The following ZNF14 variants were observed in gnomAD, a reference collection of about 807,000 sequenced individuals.
The protein encoded by ZNF14 is gonadotropin inducible transcription repressor-4.
ZNF14 carries 9 observed loss-of-function variants against 11.3 expected under a neutral mutation model. The observed-to-expected ratio is 0.80, with a 90% CI of 0.48 to 1.39. The LOEUF is 1.39. ZNF14 is among the 40% of genes most tolerant of loss of function. The pLI, the probability that ZNF14 is intolerant of heterozygous loss-of-function variation, is 0.00. For synonymous variants in ZNF14, 239 were observed against 245.7 expected, an observed-to-expected ratio of 0.97 and a Z score of 0.25; for missense variants, 711 against 763.9, an observed-to-expected ratio of 0.93 and a Z score of 0.82.
intron 1 of ZNF14, among the ~76,000 whole-genome samples, chr19:19,717,712 TTATCA>T (rs1242540356): frequency 6.6e-6 from 1 of 152,208 alleles, no homozygotes; most frequent in Non-Finnish European, 1.5e-5. Flanking sequence ...AGTATCTTTC[TTATCA>T]TATCACAAAA....
At chr19:19,722,335 C>G (rs956748108) in intron 1 of ZNF14, among the ~76,000 whole-genome samples, 1 of 152,264 alleles carries the variant, frequency 6.6e-6, no homozygotes, top group African/African-American at 2.4e-5. Context: ...ACAGGGAATC[C>G]TTTCCCCATT....
intron 1 of ZNF14, among the ~76,000 whole-genome samples, chr19:19,719,935 A>C (rs1342372525): frequency 6.6e-6 from 1 of 152,244 alleles, no homozygotes; most frequent in Non-Finnish European, 1.5e-5. Context: ...TAACACAGCT[A>C]TGTTCATTTC....
At chr19:19,721,202 C>T (rs1568450372) in intron 1 of ZNF14, among the ~76,000 whole-genome samples, 1 of 152,116 alleles carries the variant, frequency 6.6e-6, no homozygotes, top group Admixed American at 6.5e-5. Flanking sequence ...ATGATCTGCC[C>T]GCCTTGGCCT....
Position 19,720,197 on chromosome 19 carries a change from T to C in ZNF14, c.4-5710A>G, listed in dbSNP as rs2062389006. Among the ~76,000 whole-genome samples, 1 of 152,166 alleles carries C rather than the reference T, an allele frequency of 6.6e-6. No individual in the cohort carries two copies. The highest frequency in any genetic ancestry group is 2.1e-4 in the South Asian group (1 of 4,828). On this transcript the variant is annotated intron_variant, in intron 1 of 3. Transcript: ENST00000344099. This position sits in a 1 kb window ranked among gnomAD's most constrained non-coding sequence, Gnocchi z 4.1. ...AGCAGGCAGAAAATGAGGAAGGACA[T>C]TGTTGAACTGAACAGTACCATCAAA...
Position 19,733,011 on chromosome 19 carries a change from G to A in ZNF14, c.-53C>T. The A allele has an allele frequency of 6.2e-7, 1 of 1,604,132 alleles. No individual in the cohort carries two copies. The highest frequency in any genetic ancestry group is 8.5e-7 in the Non-Finnish European group (1 of 1,174,552). ...CCTCCCTACGGATCTGTCAGTACCT[G>A]CAGGTCACGGCGCGACAAAGGATGC... On this transcript the variant is annotated 5_prime_UTR_variant, in exon 1 of 4. Coordinates refer to ENST00000344099, the MANE Select transcript of ZNF14 (RefSeq NM_021030.3).
Position 19,712,810 on chromosome 19 carries a change from G to A in ZNF14, c.471C>T (p.Arg157=). The part of the protein sequence containing the change: ...GKTFSYHHCF[R]KHERTHTGVK... ...CTCCAGTGTGAGTTCTTTCATGTTT[G>A]CGAAAGCAGTGGTGATAACTGAAGG... is the stretch of plus-strand genomic sequence containing the variant. Residue 157 remains arginine, a synonymous_variant, in exon 4 of 4, where the codon CGC becomes CGT. Coordinates refer to ENST00000344099, the MANE Select transcript of ZNF14 (RefSeq NM_021030.3). 6.2e-7 allele frequency: 1 copy of A among 1,614,122 alleles called. No individual in the cohort carries two copies. Among genetic ancestry groups the A allele is most frequent in the Non-Finnish European group, 8.5e-7 (1 of 1,180,022 alleles).
In ZNF14 at chr19:19,728,601, G is replaced by A. The variant is rs543064143; in HGVS notation, c.3+4355C>T. Reference sequence around the variant, plus strand: ...TATATACTCCTATGAGTCATTTGTTGATACTTGATGTGAATTCTGGTACCA... The same window carrying A: ...TATATACTCCTATGAGTCATTTGTTAATACTTGATGTGAATTCTGGTACCA... On this transcript the variant is annotated intron_variant, in intron 1 of 3. Coordinates refer to ENST00000344099, the MANE Select transcript of ZNF14 (RefSeq NM_021030.3). Among the ~76,000 whole-genome samples the A allele has an allele frequency of 6.2e-4, 78 of 126,508 alleles. 19 individuals carry two copies. Among genetic ancestry groups the A allele is most frequent in the Non-Finnish European group, 1.0e-3 (60 of 58,356 alleles). The allele number at this position is 126,508 out of a possible 152,430, so 83.0% of individuals were successfully genotyped here.
Position 19,711,951 on chromosome 19 carries a change from C to G in ZNF14, c.1330G>C (p.Glu444Gln). 6.2e-7 allele frequency: 1 copy of G among 1,613,814 alleles called. No individual in the cohort carries two copies. Among genetic ancestry groups the G allele is most frequent in the Non-Finnish European group, 8.5e-7 (1 of 1,179,958 alleles). Residue 444 changes from glutamate (E) to glutamine (Q), a missense_variant, in exon 4 of 4, where the codon GAG becomes CAG. By Grantham distance (29) the Glu-to-Gln change is conservative. Transcript: ENST00000344099. Reference protein sequence around the residue: ...LQRHERTHNAEKPYECKQCGK... With the variant: ...LQRHERTHNAQKPYECKQCGK... ...CACTGTTTACATTCATAGGGTTTCT[C>G]TGCATTGTGAGTCCTTTCATGTCTT... is the stretch of plus-strand genomic sequence containing the variant.
chr19:19,711,711 T>G lies in ZNF14; in HGVS notation c.1570A>C (p.Ile524Leu). Residue 524 changes from isoleucine to leucine, a missense_variant, in exon 4 of 4, where the codon ATT (isoleucine) becomes CTT (leucine). By Grantham distance (5) the Ile-to-Leu change is conservative (BLOSUM62 2). Transcript: ENST00000344099. ...TCAAAAGGCTTATTTCCAGTGTGAA[T>G]TTTTTCATGTTCTCGAAGGGAACTT... Reference protein sequence around the residue: ...FSSSLREHEKIHTGNKPFECK... With the variant: ...FSSSLREHEKLHTGNKPFECK... The G allele has an allele frequency of 6.2e-7, 1 of 1,614,156 alleles. No individual in the cohort carries two copies. The highest frequency in any genetic ancestry group is 1.3e-5 in the African/African-American group (1 of 75,034).
chr19:19,714,517 A>G (rs1398294461), intron 1 of ZNF14, 30 bp from the exon 2 acceptor site: 1 of 1,601,080 alleles, frequency 6.2e-7, no homozygotes, highest in East Asian at 2.2e-5. Flanking sequence ...TTTACAGAGG[A>G]TGGGTAAGAC....
At position 19,712,638 on chromosome 19, in the gene ZNF14, G is replaced by C; in HGVS notation, c.643C>G (p.His215Asp). 6.2e-7 allele frequency: 1 copy of C among 1,613,762 alleles called. No homozygotes were observed. Among genetic ancestry groups the C allele is most frequent in the Non-Finnish European group, 8.5e-7 (1 of 1,179,930 alleles). Residue 215 changes from histidine to aspartate, a missense_variant, in exon 4 of 4, where the codon CAT (histidine) becomes GAT (aspartate). His to Asp is a moderately conservative substitution (Grantham distance 81, BLOSUM62 -1). Coordinates refer to ENST00000344099, the MANE Select transcript of ZNF14 (RefSeq NM_021030.3). ...TFIYYQSFQK[H>D]AHTGKKPYEC... ...TAGGGTTTCTTTCCAGTATGAGCAT[G>C]TTTTTGAAAAGACTGGTAATATATA...
At chr19:19,713,495 C>T (rs1187980627) in intron 3 of ZNF14, among the ~76,000 whole-genome samples, 1 of 151,566 alleles carries the variant, frequency 6.6e-6, no homozygotes, top group Non-Finnish European at 1.5e-5. Context: ...GTTGCCCAGG[C>T]TGGAGTACAG....
chr19:19,714,715 T>TTTTTC (rs375043726), intron 1 of ZNF14, among the ~76,000 whole-genome samples: 5,603 of 145,104 alleles, frequency 0.039, 186 homozygotes, highest in Non-Finnish European at 0.058. Flanking sequence ...TTCTTTTTCT[T>TTTTTC]TTTTTTTTTT....
intron 1 of ZNF14, among the ~76,000 whole-genome samples, chr19:19,723,818 G>GTA (rs2062399810): frequency 7.5e-6 from 1 of 132,992 alleles, no homozygotes; most frequent in Non-Finnish European, 1.7e-5. Context: ...TTGGGAGGGT[G>GTA]TATGTCCAGG....
chr19:19,716,196 C>T (rs371077170), intron 1 of ZNF14, among the ~76,000 whole-genome samples: 1 of 152,074 alleles, frequency 6.6e-6, no homozygotes, highest in African/African-American at 2.4e-5. Context: ...GAATGTCTCA[C>T]CAGCACCAAA....
At chr19:19,713,238 C>G in intron 3 of ZNF14, 149 bp from the exon 4 acceptor site, 1 of 743,846 alleles carries the variant, frequency 1.3e-6, no homozygotes. Context: ...ATTCAATGCT[C>G]TGGAAGAAGA....
At chr19:19,719,044 A>T (rs1263116142) in intron 1 of ZNF14, among the ~76,000 whole-genome samples, 1 of 152,096 alleles carries the variant, frequency 6.6e-6, no homozygotes, top group African/African-American at 2.4e-5. Context: ...GGGATTACAG[A>T]CGTGAGCCAC....
At chr19:19,713,744 A>C (rs2062369235) in intron 3 of ZNF14, among the ~76,000 whole-genome samples, 2 of 65,442 alleles carry the variant, frequency 3.1e-5, no homozygotes, top group African/African-American at 8.3e-5. Context: ...CCACTGTGCC[A>C]GGCCTTTTTT....
At chr19:19,713,823 TC>T (rs1475863595) in intron 3 of ZNF14, among the ~76,000 whole-genome samples, 2 of 150,046 alleles carry the variant, frequency 1.3e-5, no homozygotes, top group African/African-American at 2.4e-5. Context: ...CCTCAAGTGA[TC>T]CTCCTACCTC....
Sources: allele counts gnomAD v4.1 joint callset (sites outside exome capture counted in the v4.1 genomes callset), GRCh38; gene constraint gnomAD v4.1.1; non-coding constraint Gnocchi (gnomAD v3.1); transcripts MANE v1.5; gene names NCBI Gene and HGNC (gene_info 2026-07-23, HGNC 2026-07-21).